MACROD2: variants seen among roughly 807,000 people sequenced by gnomAD.
The protein encoded by MACROD2 is mono-ADP ribosylhydrolase 2, also known as ADP-ribose glycohydrolase MACROD2.
A neutral mutation model predicts 70.4 loss-of-function variants in MACROD2; 36 were observed. The ratio of observed to expected loss-of-function variants is 0.51; its 90% CI spans 0.39 to 0.68. MACROD2 has a LOEUF of 0.68. Among genes scored for constraint, MACROD2 ranks in the 30% least tolerant of loss-of-function variants. The pLI is 0.00. For synonymous variants in MACROD2, 172 were observed against 178.8 expected (o/e 0.96, Z 0.30); for missense variants, 496 against 538.4 (o/e 0.92, Z 0.78).
chr20:14,043,842 C>A (rs764026093), intron 2 of MACROD2, among the ~76,000 whole-genome samples: 2 of 152,092 alleles, frequency 1.3e-5, no homozygotes, highest in Non-Finnish European at 2.9e-5. Flanking sequence ...CCTTCTGAGG[C>A]CTACTTCTGA....
intron 2 of MACROD2, among the ~76,000 whole-genome samples, chr20:14,019,543 G>C (rs974500484): frequency 2.0e-5 from 3 of 152,160 alleles, no homozygotes; most frequent in African/African-American, 7.2e-5. Flanking sequence ...AAAGTGCTGG[G>C]ATTACAGTTG....
chr20:14,914,189 G>T (rs1183546766), intron 5 of MACROD2, among the ~76,000 whole-genome samples: 1 of 152,140 alleles, frequency 6.6e-6, no homozygotes, highest in Non-Finnish European at 1.5e-5. Flanking sequence ...TGAGGAATTT[G>T]CTGTAATAAC....
At chr20:14,195,128 G>A (rs894589464) in intron 3 of MACROD2, among the ~76,000 whole-genome samples, 6 of 152,094 alleles carry the variant, frequency 3.9e-5, no homozygotes, top group South Asian at 2.1e-4. Flanking sequence ...TCTATTAATA[G>A]GAAATATGCA....
intron 8 of MACROD2, among the ~76,000 whole-genome samples, chr20:15,760,602 A>C (rs2051422296): frequency 6.6e-6 from 1 of 152,202 alleles, no homozygotes; most frequent in Non-Finnish European, 1.5e-5. Flanking sequence ...CTCTGGGGGC[A>C]GAGTGCAGGG....
chr20:15,250,876 G>A (rs1179596216), intron 6 of MACROD2, among the ~76,000 whole-genome samples: 1 of 152,230 alleles, frequency 6.6e-6, no homozygotes, highest in African/African-American at 2.4e-5. Flanking sequence ...CCATAATTGA[G>A]TATATTGCCT....
chr20:14,765,353 G>T (rs1406075987), intron 5 of MACROD2, among the ~76,000 whole-genome samples: 3 of 147,682 alleles, frequency 2.0e-5, no homozygotes, highest in African/African-American at 7.6e-5. Context: ...ACTCGCCTCA[G>T]CTTCTCTTCT....
intron 8 of MACROD2, among the ~76,000 whole-genome samples, chr20:15,797,259 C>G (rs902721275): frequency 8.5e-5 from 13 of 152,078 alleles, no homozygotes; most frequent in South Asian, 2.1e-4. Flanking sequence ...GACTACAGGC[C>G]TCCGCTACCA....
chr20:15,510,020 C>T (rs1825694759), intron 8 of MACROD2, among the ~76,000 whole-genome samples: 1 of 152,182 alleles, frequency 6.6e-6, no homozygotes, highest in Non-Finnish European at 1.5e-5. Flanking sequence ...TGATTACCAA[C>T]CCCCATATGG....
At chr20:14,767,252 T>C (rs2072102776) in intron 5 of MACROD2, among the ~76,000 whole-genome samples, 1 of 152,158 alleles carries the variant, frequency 6.6e-6, no homozygotes, top group African/African-American at 2.4e-5. Flanking sequence ...ACAGTTCTAT[T>C]ATATTTTTAA....
chr20:15,562,337 C>A (rs571519835), intron 8 of MACROD2, among the ~76,000 whole-genome samples: 1 of 152,210 alleles, frequency 6.6e-6, no homozygotes, highest in South Asian at 2.1e-4. Flanking sequence ...GAAAATGAAG[C>A]CCATGTGTGA....
At chr20:14,664,611 A>G (rs932764208) in intron 4 of MACROD2, among the ~76,000 whole-genome samples, 20 of 152,222 alleles carry the variant, frequency 1.3e-4, no homozygotes, top group African/African-American at 4.6e-4. Flanking sequence ...TGGGACTAAG[A>G]GCAGCTCTCA....
chr20:15,322,345 C>T (rs961788242), intron 6 of MACROD2, among the ~76,000 whole-genome samples: 1 of 143,548 alleles, frequency 7.0e-6, no homozygotes, highest in Non-Finnish European at 1.6e-5. Flanking sequence ...ATTTACCATG[C>T]ACTCACTATG....
intron 6 of MACROD2, among the ~76,000 whole-genome samples, chr20:15,414,579 G>T (rs994590115): frequency 6.6e-6 from 1 of 152,180 alleles, no homozygotes; most frequent in Non-Finnish European, 1.5e-5. Flanking sequence ...GAGGAGTTAG[G>T]TATTTAAAAA....
At chr20:14,359,788 G>A (rs916758099) in intron 3 of MACROD2, among the ~76,000 whole-genome samples, 2 of 152,096 alleles carry the variant, frequency 1.3e-5, no homozygotes, top group African/African-American at 2.4e-5. Context: ...CTTGAGCCTG[G>A]GAGGTTGACG....
At position 14,404,168 on chromosome 20, in the gene MACROD2, A is replaced by T. The variant is rs564558127; in HGVS notation, c.272-89311A>T. Among the ~76,000 whole-genome samples, 14 of 152,320 alleles carry T rather than the reference A, an allele frequency of 9.2e-5. 1 individual carries two copies. The highest frequency in any genetic ancestry group is 3.1e-4 in the African/African-American group (13 of 41,574). On this transcript the variant is annotated intron_variant, in intron 3 of 17. Coordinates refer to ENST00000684519, the MANE Select transcript of MACROD2 (RefSeq NM_001351661.2). ...AAGATAGAGACACAACACATGAAAG[A>T]GAGATTAAGGTACATTAAATATAGA... is the stretch of plus-strand genomic sequence containing the variant.
chr20:14,262,199 T>G (rs577985526), intron 3 of MACROD2, among the ~76,000 whole-genome samples: 1 of 152,276 alleles, frequency 6.6e-6, no homozygotes, highest in South Asian at 2.1e-4. Flanking sequence ...AAAAGATCTT[T>G]TAATCTTGCA....
chr20:15,877,498 A>G (rs2064692619), intron 9 of MACROD2, among the ~76,000 whole-genome samples: 1 of 152,112 alleles, frequency 6.6e-6, no homozygotes, highest in Admixed American at 6.6e-5. Flanking sequence ...GGCTTTATCA[A>G]TCACCTTCAA....
intron 5 of MACROD2, among the ~76,000 whole-genome samples, chr20:14,696,052 A>G (rs1029527138): frequency 2.6e-5 from 4 of 152,210 alleles, no homozygotes; most frequent in African/African-American, 9.6e-5. Context: ...CTAAATTGGA[A>G]AATGAAAGCC....
At chr20:15,519,053 T>TCG (rs1568863313) in intron 8 of MACROD2, among the ~76,000 whole-genome samples, 3 of 147,444 alleles carry the variant, frequency 2.0e-5, no homozygotes, top group Non-Finnish European at 3.0e-5. Context: ...GTTAACTCGC[T>TCG]CTTTCCTTCC....
Sources: allele counts gnomAD v4.1 joint callset (sites outside exome capture counted in the v4.1 genomes callset), GRCh38; gene constraint gnomAD v4.1.1; transcripts MANE v1.5; gene names NCBI Gene and HGNC (gene_info 2026-07-23, HGNC 2026-07-21).